CSMD2: variants seen among roughly 807,000 people sequenced by gnomAD.
The protein encoded by CSMD2 is CUB and sushi domain-containing protein 2.
CSMD2 carries 130 observed loss-of-function variants against 398.5 expected under a neutral mutation model. The observed-to-expected ratio is 0.33, with a 90% confidence interval of 0.28 to 0.38. The LOEUF (loss-of-function observed/expected upper bound fraction) is 0.38. Ranked by LOEUF, CSMD2 falls within the 10% of genes least tolerant of loss-of-function variation. CSMD2 has a pLI of 1.00. For missense variants in CSMD2, 3,829 were observed against 4,764.9 expected, an observed-to-expected ratio of 0.80 and a Z score of 5.78; for synonymous variants, 1,828 against 1,908.5, an observed-to-expected ratio of 0.96 and a Z score of 1.10.
chr1:33,577,538 G>C, intron 48 of CSMD2, 54 bp from the exon 49 acceptor site: 1 of 1,507,700 alleles, frequency 6.6e-7, no homozygotes, highest in South Asian at 1.2e-5. Context: ...GACAGACATG[G>C]TCTTTCATGC....
Position 33,658,116 on chromosome 1 carries a change from T to A in CSMD2, c.4277A>T (p.Asn1426Ile). The A allele has an allele frequency of 6.2e-7, 1 of 1,613,978 alleles. No homozygotes were observed. The highest frequency in any genetic ancestry group is 1.1e-5 in the South Asian group (1 of 91,066). The change falls in exon 27 of 71, where the codon AAT becomes ATT. Residue 1426 changes from asparagine to isoleucine, a missense_variant. Physicochemically the swap from Asn to Ile is moderately radical, Grantham distance 149. Transcript: ENST00000373381. ...QFSVSTATSC[N>I]DPGIPQNGSR... ...CCCATTCTGCGGGATCCCAGGGTCA[T>A]TGCAGGACGTTGCTGTGGACACTGG...
rs756813034 is a variant in CSMD2 at position 33,546,158 on chromosome 1, G to A, written c.8979C>T (p.Asp2993=). The A allele has an allele frequency of 1.2e-6, 2 of 1,614,220 alleles. No homozygotes were observed. The highest frequency in any genetic ancestry group is 1.1e-5 in the South Asian group (1 of 91,088). ...GCATCACAGTGCCTGGATCAAAGCT[G>A]TCCCCCAAACGGATGCCATGAGCCG... The part of the protein sequence containing the change: ...GIPAHGIRLG[D]SFDPGTVMRF... The change falls in exon 57 of 71, where the codon GAC becomes GAT. Residue 2993 remains aspartate (D), a synonymous_variant. Transcript: ENST00000373381.
chr1:33,568,098 T>A (rs777859632), intron 52 of CSMD2, among the ~76,000 whole-genome samples: 3 of 151,934 alleles, frequency 2.0e-5, no homozygotes, highest in Non-Finnish European at 4.4e-5. Context: ...CATCCCCCAC[T>A]TTTTCTTACC....
intron 1 of CSMD2, among the ~76,000 whole-genome samples, chr1:34,116,609 A>T (rs1661623637): frequency 6.6e-6 from 1 of 152,138 alleles, no homozygotes; most frequent in African/African-American, 2.4e-5. Context: ...ATCAGTAAGG[A>T]AACAGAAAAC....
chr1:34,085,655 T>C (rs115097133), intron 2 of CSMD2, among the ~76,000 whole-genome samples: 2,270 of 152,284 alleles, frequency 0.015, 52 homozygotes, highest in African/African-American at 0.049. Context: ...AGCTGACCAT[T>C]TGAAAGTGAG....
At chr1:33,555,238 GC>G (rs1209745969) in intron 55 of CSMD2, among the ~76,000 whole-genome samples, 1 of 152,190 alleles carries the variant, frequency 6.6e-6, no homozygotes, top group East Asian at 1.9e-4. Flanking sequence ...GGTAAAAGTA[GC>G]AAGAGAACTA....
chr1:34,159,328 GCCC>G (rs753448817), intron 1 of CSMD2, among the ~76,000 whole-genome samples: 118 of 80,618 alleles, frequency 1.5e-3, no homozygotes, highest in African/African-American at 4.1e-3. Context: ...TTTACAGCCT[GCCC>G]CCCCCCCACC....
chr1:33,748,819 A>G (rs1187701400), intron 13 of CSMD2, among the ~76,000 whole-genome samples: 1 of 152,174 alleles, frequency 6.6e-6, no homozygotes, highest in Non-Finnish European at 1.5e-5. Flanking sequence ...ATTATATGAA[A>G]CTCTGTAGTC....
chr1:34,122,009 T>C (rs1662239382), intron 1 of CSMD2, among the ~76,000 whole-genome samples: 1 of 151,326 alleles, frequency 6.6e-6, no homozygotes, highest in African/African-American at 2.4e-5. Flanking sequence ...TTTTTTTTTT[T>C]CTACCTCCTG....
In CSMD2 at chr1:33,830,852, T is replaced by A. The variant is rs1447343840; in HGVS notation, c.1034-5078A>T. 5.3e-5 allele frequency among the ~76,000 whole-genome samples: 8 copies of A among 152,322 alleles called. No individual in the cohort carries two copies. In the Middle Eastern group the frequency reaches 0.01, roughly 196 times the overall value. On this transcript the variant is annotated intron_variant, in intron 6 of 70. Transcript: ENST00000373381. The stretch of plus-strand genomic sequence containing the variant: ...GAGCTGAAAGCCAAGGCTCGAGAAC[T>A]ACGTGAAGAGTGCAGAAGCCTCAGG...
chr1:33,780,087 T>C (rs1194742380), intron 12 of CSMD2, among the ~76,000 whole-genome samples: 1 of 152,070 alleles, frequency 6.6e-6, no homozygotes, highest in African/African-American at 2.4e-5. Flanking sequence ...CGATGAGTAA[T>C]AAGTCATTTA....
At chr1:33,877,485 GT>G (rs1640919813) in intron 5 of CSMD2, among the ~76,000 whole-genome samples, 1 of 152,180 alleles carries the variant, frequency 6.6e-6, no homozygotes, top group Non-Finnish European at 1.5e-5. Flanking sequence ...AGGCTCATCT[GT>G]TCTTAATTAT....
At chr1:34,023,159 A>C (rs1445578790) in intron 3 of CSMD2, among the ~76,000 whole-genome samples, 1 of 152,094 alleles carries the variant, frequency 6.6e-6, no homozygotes, top group Non-Finnish European at 1.5e-5. Flanking sequence ...AAACCCTTTA[A>C]CCCAATTAAA....
intron 13 of CSMD2, among the ~76,000 whole-genome samples, chr1:33,763,040 G>A (rs947448562): frequency 2.0e-5 from 3 of 152,158 alleles, no homozygotes; most frequent in Non-Finnish European, 4.4e-5. Context: ...CTGAGTTATG[G>A]CAGCTCAGCC....
At position 33,961,831 on chromosome 1, in the gene CSMD2, G is replaced by A. The variant is rs370726910; in HGVS notation, c.518-25877C>T. 6.6e-5 allele frequency among the ~76,000 whole-genome samples: 10 copies of A among 152,110 alleles called. 1 individual carries two copies. Among genetic ancestry groups the A allele is most frequent in the Non-Finnish European group, 1.5e-4 (10 of 68,030 alleles). ...CTGTAAGCTTCCTGAGGCCTCACTG[G>A]AAGCAGATGCTGGCACTATGCTTCA... On this transcript the variant is annotated intron_variant, in intron 3 of 70. Transcript: ENST00000373381.
intron 10 of CSMD2, among the ~76,000 whole-genome samples, chr1:33,794,310 C>A (rs1037067415): frequency 6.6e-6 from 1 of 152,142 alleles, no homozygotes; most frequent in Non-Finnish European, 1.5e-5. Flanking sequence ...GTGAGCACGT[C>A]AGTGGGTCTA....
intron 2 of CSMD2, among the ~76,000 whole-genome samples, chr1:34,077,111 T>C (rs929217320): frequency 1.3e-5 from 2 of 150,718 alleles, no homozygotes; most frequent in African/African-American, 4.9e-5. Flanking sequence ...GTTTCAGCCT[T>C]TTGTTGGAAC....
intron 57 of CSMD2, 100 bp downstream of exon 57, chr1:33,545,937 G>T (rs1388941178): frequency 4.2e-5 from 50 of 1,204,588 alleles, no homozygotes; most frequent in Non-Finnish European, 5.1e-5. Flanking sequence ...TGGGGCCACG[G>T]TTTTTTTCTG....
intron 32 of CSMD2, among the ~76,000 whole-genome samples, chr1:33,627,476 G>T (rs1442126070): frequency 6.6e-6 from 1 of 152,158 alleles, no homozygotes; most frequent in African/African-American, 2.4e-5. Flanking sequence ...AAGCGCTGCT[G>T]ACCCCAGACC....
Sources: allele counts gnomAD v4.1 joint callset (sites outside exome capture counted in the v4.1 genomes callset), GRCh38; gene constraint gnomAD v4.1.1; transcripts MANE v1.5; gene names NCBI Gene and HGNC (gene_info 2026-07-23, HGNC 2026-07-21).